Variants in GPBP1L1 observed in about 807,000 individuals in gnomAD.
GPBP1L1 encodes vasculin-like protein 1.
Under a neutral mutation model 52.5 loss-of-function variants are expected in GPBP1L1, and 23 were observed. The observed-to-expected ratio is 0.44, with a 90% CI of 0.32 to 0.62. The LOEUF is 0.62. GPBP1L1 is among the 20% of genes least tolerant of loss of function. GPBP1L1 has a pLI of 0.06. For missense variants in GPBP1L1, 596 were observed against 579.3 expected, an observed-to-expected ratio of 1.03 and a Z score of -0.30; for synonymous variants, 243 against 203.1, an observed-to-expected ratio of 1.20 and a Z score of -1.67.
rs144842150 is a variant in GPBP1L1, at chr1:45,628,362, C to A, written c.1319G>T (p.Ser440Ile). 1.2e-6 allele frequency: 2 copies of A among 1,613,992 alleles called. No individual in the cohort carries two copies. Residue 440 changes from serine to isoleucine, a missense_variant, in exon 13 of 13, where the codon AGT becomes ATT. Transcript: ENST00000355105. ...TCTCCAAGGGGAGAACAGACTGGAA[C>A]TGCGGCTCTGCAAGAAGCCATTCTT... is the stretch of plus-strand genomic sequence containing the variant. ...FGKNGFLQSRSSSLFSPWRST... is the reference protein window; with the variant it reads ...FGKNGFLQSRISSLFSPWRST...
intron 2 of GPBP1L1, among the ~76,000 whole-genome samples, chr1:45,672,002 C>A (rs189803019): frequency 3.3e-5 from 5 of 152,174 alleles, no homozygotes; most frequent in Admixed American, 6.5e-5. Flanking sequence ...TTATTTAAGT[C>A]TTCTTTAACA....
intron 2 of GPBP1L1, among the ~76,000 whole-genome samples, chr1:45,683,207 T>C (rs1276350845): frequency 1.5e-5 from 1 of 67,620 alleles, no homozygotes; most frequent in Non-Finnish European, 3.3e-5. Flanking sequence ...ATAGGCCTTT[T>C]TTTTTTTTTT....
At chr1:45,633,351 A>T (rs2148422388) in intron 10 of GPBP1L1, 138 bp downstream of exon 10, 9 of 818,020 alleles carry the variant, frequency 1.1e-5, no homozygotes, top group Middle Eastern at 2.8e-4. Flanking sequence ...TATGTGGTCT[A>T]GAAGGCAGTT....
intron 8 of GPBP1L1, among the ~76,000 whole-genome samples, chr1:45,635,891 CT>C (rs1428567331): frequency 1.8e-4 from 28 of 152,130 alleles, no homozygotes; most frequent in Admixed American, 1.8e-3. Context: ...CTTCTCTTTC[CT>C]TTTGGGTTTA....
intron 8 of GPBP1L1, among the ~76,000 whole-genome samples, chr1:45,636,346 T>C (rs139431522): frequency 6.6e-6 from 1 of 152,334 alleles, no homozygotes; most frequent in African/African-American, 2.4e-5. Context: ...TCTGTTGAAC[T>C]AGGTGAATTT....
intron 2 of GPBP1L1, among the ~76,000 whole-genome samples, chr1:45,665,479 G>T (rs145982902): frequency 6.4e-4 from 98 of 152,072 alleles, no homozygotes; most frequent in African/African-American, 2.2e-3. Context: ...GGCCAAGCGC[G>T]GTGGCTCACA....
At position 45,628,012 on chromosome 1, in the gene GPBP1L1, G is replaced by C. The variant is rs1644478452; in HGVS notation, c.*244C>G. ...CCATATATACTGGGTGTGTATGTGT[G>C]TGTGTGTGTGAGTGTGTTTAAAAAA... is the stretch of plus-strand genomic sequence containing the variant. On this transcript the variant is annotated 3_prime_UTR_variant, in exon 13 of 13. Transcript: ENST00000355105. 1 of 453,032 alleles carries C rather than the reference G, an allele frequency of 2.2e-6. No individual in the cohort carries two copies. The highest frequency in any genetic ancestry group is 2.0e-5 in the African/African-American group (1 of 50,504). The allele number at this position is 453,032 out of a possible 1,614,324, so 28.1% of individuals were successfully genotyped here.
chr1:45,628,030 T>A lies in GPBP1L1; in HGVS notation c.*226A>T, dbSNP rs1644479318. ...TATGTGTGTGTGTGTGTGAGTGTGT[T>A]TAAAAAATCTGTCCCACCACACAAA... On this transcript the variant is annotated 3_prime_UTR_variant, in exon 13 of 13. Coordinates refer to ENST00000355105, the MANE Select transcript of GPBP1L1 (RefSeq NM_021639.5). The A allele has an allele frequency of 4.0e-6, 2 of 494,358 alleles. No homozygotes were observed. The highest frequency in any genetic ancestry group is 3.3e-5 in the Admixed American group (1 of 30,108). 30.6% of individuals were successfully genotyped at this position (494,358 alleles called of 1,614,324 possible).
rs1644934273 is a variant in GPBP1L1 at position 45,660,371 on chromosome 1, T to C, written c.-243A>G. 2 of 984,950 alleles carry C rather than the reference T, an allele frequency of 2.0e-6. No homozygotes were observed. The highest frequency in any genetic ancestry group is 2.3e-4 in the East Asian group (2 of 8,792). 61.0% of individuals were successfully genotyped at this position (984,950 alleles called of 1,614,324 possible). ...CCCTCAACTGCTCATCTTAAACTAT[T>C]TGGTTCCTGACACGTTTCCAAAAGG... is the stretch of plus-strand genomic sequence containing the variant. On this transcript the variant is annotated 5_prime_UTR_variant, in exon 3 of 13. Coordinates refer to ENST00000355105, the MANE Select transcript of GPBP1L1 (RefSeq NM_021639.5).
intron 2 of GPBP1L1, among the ~76,000 whole-genome samples, chr1:45,684,340 G>C (rs917088597): frequency 6.6e-5 from 10 of 151,488 alleles, no homozygotes; most frequent in Admixed American, 2.0e-4. Context: ...TTAAACAGCA[G>C]TCAGTCCCTG....
chr1:45,640,891 A>C (rs1001616230), intron 7 of GPBP1L1, among the ~76,000 whole-genome samples: 7 of 151,966 alleles, frequency 4.6e-5, no homozygotes, highest in African/African-American at 1.5e-4. Context: ...GGTGGTGCAC[A>C]CCTGTGGTCC....
intron 2 of GPBP1L1, among the ~76,000 whole-genome samples, chr1:45,675,177 G>A (rs1645123618): frequency 1.3e-5 from 2 of 151,928 alleles, no homozygotes; most frequent in Admixed American, 6.6e-5. Flanking sequence ...CATGCCTGTA[G>A]TCCCAGCTAC....
chr1:45,651,194 T>C, intron 6 of GPBP1L1: 1 of 468,088 alleles, frequency 2.1e-6, no homozygotes, highest in East Asian at 5.6e-5. Context: ...AAACCTCCTT[T>C]GTCTTCCAAG....
At position 45,667,924 on chromosome 1, in the gene GPBP1L1, A is replaced by G. The variant is rs566995025; in HGVS notation, c.-1097-6699T>C. On this transcript the variant is annotated intron_variant, in intron 2 of 12. Transcript: ENST00000355105. ...GACCTGTATTTTGTATTTTTAGTAG[A>G]GACGGAGTTTCACCATGTTGGCCAG... Among the ~76,000 whole-genome samples, 17 of 152,246 alleles carry G rather than the reference A, an allele frequency of 1.1e-4. No homozygotes were observed. In the East Asian group the frequency reaches 3.1e-3, roughly 28 times the overall value.
intron 6 of GPBP1L1, among the ~76,000 whole-genome samples, chr1:45,652,734 AAGAGAT>A (rs1644834134): frequency 6.7e-6 from 1 of 150,148 alleles, no homozygotes; most frequent in South Asian, 2.1e-4. Flanking sequence ...TTTTTTTTTT[AAGAGAT>A]AGAGTCTTGC....
intron 7 of GPBP1L1, among the ~76,000 whole-genome samples, 200 bp downstream of exon 7, chr1:45,642,227 C>G (rs1464015972): frequency 6.6e-6 from 1 of 152,116 alleles, no homozygotes; most frequent in African/African-American, 2.4e-5. Flanking sequence ...ACTCTACTAC[C>G]ATGGTAACAT....
At position 45,632,064 on chromosome 1, in the gene GPBP1L1, C is replaced by CA. The variant is rs564855214; in HGVS notation, c.1044+1424dup. Among the ~76,000 whole-genome samples, 1,149 of 151,916 alleles carry CA rather than the reference C, an allele frequency of 7.6e-3. 12 individuals are homozygous for CA. Among genetic ancestry groups the CA allele is most frequent in the Non-Finnish European group, 0.011 (727 of 67,906 alleles). On this transcript the variant is annotated intron_variant, in intron 10 of 12. Transcript: ENST00000355105. ...GGTGAAACCTTGTCTCTACTACATA[C>CA]AAAAAAAATTCCAGAAAATAGTATA...
At chr1:45,629,014 G>A (rs966327082) in intron 12 of GPBP1L1, among the ~76,000 whole-genome samples, 15 of 152,192 alleles carry the variant, frequency 9.9e-5, no homozygotes, top group African/African-American at 3.6e-4. Context: ...ACATCAGCTT[G>A]TGCCATGCCC....
At chr1:45,658,773 A>C in intron 4 of GPBP1L1, 1 of 455,244 alleles carries the variant, frequency 2.2e-6, no homozygotes, top group Non-Finnish European at 3.9e-6. Context: ...CTATAAAACA[A>C]CAACAACAAA....
Sources: gnomAD v4.1 joint callset for allele counts (sites outside exome capture counted in the v4.1 genomes callset) on GRCh38, gnomAD v4.1.1 for gene constraint, MANE v1.5 for transcripts, NCBI Gene and HGNC (gene_info 2026-07-23, HGNC 2026-07-21) for gene names.